The following TBC1D5 variants were observed in gnomAD, a reference collection of about 807,000 sequenced individuals.
The protein encoded by TBC1D5 is TBC1 domain family member 5.
A neutral mutation model predicts 100.3 loss-of-function variants in TBC1D5; 75 were observed. That is an observed-to-expected ratio of 0.75 (90% CI 0.62 to 0.91). The LOEUF is 0.91. Among genes scored for constraint, TBC1D5 ranks in the 40% least tolerant of loss-of-function variants. The probability of loss-of-function intolerance (pLI) is 0.00; values close to 1 mark genes in which losing one functional copy is unlikely to be tolerated. For synonymous variants in TBC1D5, 323 were observed against 325.6 expected (o/e 0.99, Z 0.09); for missense variants, 910 against 942.4 (o/e 0.97, Z 0.45).
At chr3:17,169,301 T>G (rs2066941324) in intron 19 of TBC1D5, among the ~76,000 whole-genome samples, 1 of 152,228 alleles carries the variant, frequency 6.6e-6, no homozygotes, top group South Asian at 2.1e-4. Flanking sequence ...ATTTACTGAC[T>G]GATGGAATGA....
intron 2 of TBC1D5, among the ~76,000 whole-genome samples, chr3:17,546,025 T>TA (rs576270745): frequency 6.6e-6 from 1 of 152,112 alleles, no homozygotes; most frequent in Non-Finnish European, 1.5e-5. Flanking sequence ...GAAATGTCTT[T>TA]AAAAAAATTA....
intron 18 of TBC1D5, among the ~76,000 whole-genome samples, chr3:17,211,467 C>T (rs373723781): frequency 2.1e-4 from 32 of 152,308 alleles, no homozygotes; most frequent in East Asian, 1.9e-3. Context: ...ACATTTTGTA[C>T]GCTTTTCAGA....
At chr3:17,497,287 G>T (rs1181500898) in intron 3 of TBC1D5, among the ~76,000 whole-genome samples, 2 of 151,998 alleles carry the variant, frequency 1.3e-5, no homozygotes, top group East Asian at 3.9e-4. Context: ...TCTTTGCATG[G>T]TATTTTTTCT....
At chr3:17,627,661 T>C (rs568126675) in intron 1 of TBC1D5, among the ~76,000 whole-genome samples, 1 of 145,446 alleles carries the variant, frequency 6.9e-6, no homozygotes, top group African/African-American at 2.5e-5. Context: ...ATATTCTGGG[T>C]TTTTTTTTTT....
At chr3:17,713,832 A>G (rs981289246) in intron 1 of TBC1D5, among the ~76,000 whole-genome samples, 42 of 152,162 alleles carry the variant, frequency 2.8e-4, no homozygotes, top group African/African-American at 8.7e-4. Context: ...CCACAATGGG[A>G]AAGTAGGGAG....
intron 2 of TBC1D5, among the ~76,000 whole-genome samples, chr3:17,610,122 A>C (rs541623192): frequency 6.6e-6 from 1 of 152,212 alleles, no homozygotes; most frequent in Non-Finnish European, 1.5e-5. Flanking sequence ...TAAGCATTGA[A>C]TATCTCTTGA....
chr3:17,374,765 T>A, intron 10 of TBC1D5, 86 bp from the exon 11 acceptor site: 1 of 1,344,244 alleles, frequency 7.4e-7, no homozygotes, highest in Non-Finnish European at 1.0e-6. Flanking sequence ...ATAAGACAAC[T>A]TTCATATAAT....
chr3:17,355,732 T>A (rs970903232), intron 13 of TBC1D5, among the ~76,000 whole-genome samples: 1 of 152,014 alleles, frequency 6.6e-6, no homozygotes, highest in South Asian at 2.1e-4. Context: ...TTATTTCCCA[T>A]AGAGGCTGAG....
chr3:17,625,056 C>A (rs1024676600), intron 1 of TBC1D5, among the ~76,000 whole-genome samples: 2 of 151,988 alleles, frequency 1.3e-5, no homozygotes, highest in Admixed American at 1.3e-4. Context: ...TTTACCTTTA[C>A]TACTAAACAT....
intron 1 of TBC1D5, among the ~76,000 whole-genome samples, chr3:17,629,088 G>C (rs936902183): frequency 1.3e-5 from 2 of 152,194 alleles, no homozygotes; most frequent in Non-Finnish European, 2.9e-5. Flanking sequence ...AAATTAGCAA[G>C]TATCAAATAT....
At chr3:17,596,623 T>C (rs1288602500) in intron 2 of TBC1D5, among the ~76,000 whole-genome samples, 2 of 144,222 alleles carry the variant, frequency 1.4e-5, no homozygotes, top group Non-Finnish European at 3.0e-5. Flanking sequence ...AGGTGGATAA[T>C]GGCTTGAACC....
intron 9 of TBC1D5, among the ~76,000 whole-genome samples, chr3:17,383,594 T>A (rs1019128846): frequency 3.3e-5 from 5 of 152,088 alleles, no homozygotes; most frequent in African/African-American, 1.2e-4. Flanking sequence ...AAAAATAATA[T>A]TTGTACATAC....
intron 2 of TBC1D5, among the ~76,000 whole-genome samples, chr3:17,517,596 C>T (rs1393766628): frequency 6.6e-6 from 1 of 152,028 alleles, no homozygotes; most frequent in Non-Finnish European, 1.5e-5. Context: ...TCCAACTATC[C>T]TTCCATACAT....
Position 17,404,083 on chromosome 3 carries a change from C to T in TBC1D5, c.441+611G>A, listed in dbSNP as rs191309687. On this transcript the variant is annotated intron_variant, in intron 7 of 21. Coordinates refer to ENST00000253692, the Ensembl canonical transcript of TBC1D5. ...TACTTAATATTTTATGTTCTTATAC[C>T]GAAGAGTCTATAAATACTTACGTAT... 1.4e-3 allele frequency among the ~76,000 whole-genome samples: 211 copies of T among 151,918 alleles called. 1 individual carries two copies. The highest frequency in any genetic ancestry group is 4.7e-3 in the African/African-American group (194 of 41,448).
At chr3:17,693,838 A>T (rs1269119544) in intron 1 of TBC1D5, among the ~76,000 whole-genome samples, 1 of 152,188 alleles carries the variant, frequency 6.6e-6, no homozygotes, top group Non-Finnish European at 1.5e-5. Context: ...AGGGGCCGAC[A>T]GACACCTCAT....
chr3:17,561,808 CAA>C (rs1163291089), intron 2 of TBC1D5, among the ~76,000 whole-genome samples: 3 of 152,092 alleles, frequency 2.0e-5, no homozygotes, highest in African/African-American at 7.2e-5. Context: ...CAAAACATGA[CAA>C]AGAGAGCACA....
intron 1 of TBC1D5, among the ~76,000 whole-genome samples, chr3:17,667,867 A>T (rs2067457271): frequency 1.3e-5 from 2 of 150,852 alleles, no homozygotes; most frequent in South Asian, 4.2e-4. Context: ...GATTAGTCTG[A>T]TTTTTTTTTC....
intron 1 of TBC1D5, among the ~76,000 whole-genome samples, chr3:17,659,298 T>C (rs1196012028): frequency 6.6e-6 from 1 of 152,174 alleles, no homozygotes; most frequent in East Asian, 1.9e-4. Flanking sequence ...CTGAATAATA[T>C]GTATCATATG....
intron 21 of TBC1D5, among the ~76,000 whole-genome samples, chr3:17,161,719 A>G (rs1308532299): frequency 1.3e-5 from 2 of 152,264 alleles, no homozygotes; most frequent in Non-Finnish European, 2.9e-5. Flanking sequence ...TGATATAGTG[A>G]GATGATATGT....
Sources: allele counts gnomAD v4.1 joint callset (sites outside exome capture counted in the v4.1 genomes callset), GRCh38; gene constraint gnomAD v4.1.1; transcripts MANE v1.5; gene names NCBI Gene and HGNC (gene_info 2026-07-23, HGNC 2026-07-21).